MFN2: variants seen among roughly 807,000 people sequenced by gnomAD.
MFN2 encodes mitofusin-2.
In MFN2, 43 loss-of-function variants were observed where a neutral mutation model predicts 87.5. The observed-to-expected ratio is 0.49, with a 90% CI of 0.38 to 0.63. The LOEUF is 0.63. Among genes scored for constraint, MFN2 ranks in the 30% least tolerant of loss-of-function variants. The probability of loss-of-function intolerance (pLI) is 0.00; values close to 1 mark genes in which losing one functional copy is unlikely to be tolerated. For missense variants in MFN2, 743 were observed against 972.8 expected (o/e 0.76, Z 3.14); for synonymous variants, 337 against 359.9 (o/e 0.94, Z 0.72).
At chr1:11,996,647 CTG>C (rs1337914198) in intron 5 of MFN2, among the ~76,000 whole-genome samples, 2 of 152,156 alleles carry the variant, frequency 1.3e-5, no homozygotes, top group African/African-American at 2.4e-5. Flanking sequence ...CCTGCATTTG[CTG>C]TGTGTCTCTG....
chr1:12,008,537 G>A (rs960059270), intron 17 of MFN2, among the ~76,000 whole-genome samples: 8 of 151,912 alleles, frequency 5.3e-5, no homozygotes, highest in African/African-American at 1.7e-4. Flanking sequence ...GGGGGCGGCT[G>A]CCTGGCGGAG....
intron 8 of MFN2, among the ~76,000 whole-genome samples, chr1:12,000,068 G>T (rs1317109458): frequency 6.7e-6 from 1 of 149,916 alleles, no homozygotes; most frequent in Admixed American, 6.7e-5. Flanking sequence ...CTGTACTCCA[G>T]CCTGGGCAAG....
intron 1 of MFN2, among the ~76,000 whole-genome samples, chr1:11,980,730 C>CA (rs1175833438): frequency 6.6e-6 from 1 of 152,252 alleles, no homozygotes; most frequent in African/African-American, 2.4e-5. Context: ...CCTTTCCACC[C>CA]TTCACGGCCA....
Position 11,980,494 on chromosome 1 carries a change from C to T in MFN2, c.-150+10C>T, listed in dbSNP as rs886836710. 3 of 398,164 alleles carry T rather than the reference C, an allele frequency of 7.5e-6. No individual in the cohort carries two copies. The highest frequency in any genetic ancestry group is 1.3e-5 in the Non-Finnish European group (3 of 225,838). The allele number at this position is 398,164 out of a possible 1,614,324, so 24.7% of individuals were successfully genotyped here. ...GGCCGGGAAGGTGAAGGTGAGAGGG[C>T]GAGCAAGCCGGGGTGGCGGGGACTG... is the stretch of plus-strand genomic sequence containing the variant. On this transcript the variant is annotated intron_variant, in intron 1 of 18. Transcript: ENST00000235329.
intron 2 of MFN2, among the ~76,000 whole-genome samples, chr1:11,987,855 G>A (rs767402903): frequency 1.1e-4 from 16 of 152,162 alleles, no homozygotes; most frequent in Admixed American, 2.6e-4. Flanking sequence ...GGAGGCTGAG[G>A]TGGGAGGATT....
intron 4 of MFN2, among the ~76,000 whole-genome samples, chr1:11,994,988 A>T (rs888750170): frequency 2.6e-5 from 4 of 152,012 alleles, no homozygotes; most frequent in African/African-American, 9.7e-5. Flanking sequence ...TCACACCTGT[A>T]ATCTCAGCAC....
At position 12,004,247 on chromosome 1, in the gene MFN2, C is replaced by A; in HGVS notation, c.1287+129C>A. 7.7e-7 allele frequency: 1 copy of A among 1,302,104 alleles called. No homozygotes were observed. Among genetic ancestry groups the A allele is most frequent in the Non-Finnish European group, 1.1e-6 (1 of 921,722 alleles). 80.7% of individuals were successfully genotyped at this position (1,302,104 alleles called of 1,614,324 possible). A position where few individuals can be genotyped will look rare whatever the true frequency, so the allele number is the denominator to read the frequency against. On this transcript the variant is annotated intron_variant, in intron 12 of 18. Coordinates refer to ENST00000235329, the MANE Select transcript of MFN2 (RefSeq NM_014874.4). This position sits in a 1 kb window ranked among gnomAD's most constrained non-coding sequence, Gnocchi z 4.2. ...AAGTTGTGGCCCTGTTTCAAGAATACAGAGCTGCCGTTTGGGTTCCATTGT... is the reference window on the plus strand; with the variant it reads ...AAGTTGTGGCCCTGTTTCAAGAATAAAGAGCTGCCGTTTGGGTTCCATTGT...
intron 8 of MFN2, among the ~76,000 whole-genome samples, chr1:11,999,650 G>A (rs915718181): frequency 6.6e-6 from 1 of 151,260 alleles, no homozygotes; most frequent in Non-Finnish European, 1.5e-5. Flanking sequence ...GAGCCACCAC[G>A]CCTGGCCTCA....
In MFN2 at chr1:12,003,664, C is replaced by CA. The variant is rs60299433; in HGVS notation, c.1161-312dup. Among the ~76,000 whole-genome samples the CA allele has an allele frequency of 0.17, 21,241 of 127,100 alleles. 1,693 individuals are homozygous for CA. Among genetic ancestry groups the CA allele is most frequent in the African/African-American group, 0.25 (8,998 of 35,416 alleles). 83.4% of individuals were successfully genotyped at this position (127,100 alleles called of 152,430 possible). A position where few individuals can be genotyped will look rare whatever the true frequency, so the allele number is the denominator to read the frequency against. The stretch of plus-strand genomic sequence containing the variant: ...GGGCAACAAGAGTGAAACTCCATCT[C>CA]AAAAAAAAAAAAAAAATCATTTCTG... On this transcript the variant is annotated intron_variant, in intron 11 of 18. Transcript: ENST00000235329. This position sits in a 1 kb window ranked among gnomAD's most constrained non-coding sequence, Gnocchi z 4.1.
intron 2 of MFN2, among the ~76,000 whole-genome samples, chr1:11,983,177 A>G (rs977120742): frequency 2.0e-5 from 3 of 152,128 alleles, no homozygotes; most frequent in South Asian, 2.1e-4. Context: ...GGTTCACACT[A>G]TCCTCCTGCC....
chr1:11,990,608 G>A (rs1638635583), intron 3 of MFN2, among the ~76,000 whole-genome samples: 1 of 152,194 alleles, frequency 6.6e-6, no homozygotes, highest in Non-Finnish European at 1.5e-5. Context: ...GAAAATATGA[G>A]GCCTCCCCTG....
intron 3 of MFN2, 32 bp from the exon 4 acceptor site, chr1:11,992,523 C>G: frequency 6.2e-7 from 1 of 1,614,010 alleles, no homozygotes; most frequent in Non-Finnish European, 8.5e-7. Flanking sequence ...CCTCTGACCA[C>G]GTGGTGACCC....
At position 12,013,243 on chromosome 1, in the gene MFN2, C is replaced by T. The variant is rs936510042; in HGVS notation, c.*1678C>T. The stretch of plus-strand genomic sequence containing the variant: ...AACATGAATTTTTTTTCAATGTAGC[C>T]CCTGGGGAATGAATGAAATTTTGAG... On this transcript the variant is annotated 3_prime_UTR_variant, in exon 19 of 19. Transcript: ENST00000235329. The T allele has an allele frequency of 2.7e-6, 1 of 375,532 alleles. No homozygotes were observed. The highest frequency in any genetic ancestry group is 5.5e-6 in the Non-Finnish European group (1 of 180,516). The allele number at this position is 375,532 out of a possible 1,614,324, so 23.3% of individuals were successfully genotyped here. A position where few individuals can be genotyped will look rare whatever the true frequency, so the allele number is the denominator to read the frequency against.
chr1:11,996,685 T>G (rs1638921597), intron 5 of MFN2, among the ~76,000 whole-genome samples: 1 of 152,182 alleles, frequency 6.6e-6, no homozygotes, highest in Non-Finnish European at 1.5e-5. Flanking sequence ...ACCGACACTC[T>G]GAGTTTTCTG....
chr1:11,990,732 C>T (rs1216685981), intron 3 of MFN2, among the ~76,000 whole-genome samples: 1 of 152,178 alleles, frequency 6.6e-6, no homozygotes, highest in Non-Finnish European at 1.5e-5. Context: ...AGCTTGTTGG[C>T]CTGCTGGCTC....
intron 6 of MFN2, among the ~76,000 whole-genome samples, chr1:11,998,063 T>C (rs1435757022): frequency 2.6e-5 from 4 of 151,220 alleles, no homozygotes; most frequent in South Asian, 2.1e-4. Flanking sequence ...TTTGTATTTT[T>C]AGTAGAGACG....
chr1:11,994,179 TCCC>T (rs1011242631), intron 4 of MFN2, among the ~76,000 whole-genome samples: 2 of 152,226 alleles, frequency 1.3e-5, no homozygotes, highest in African/African-American at 4.8e-5. Flanking sequence ...TCCTTTTTAT[TCCC>T]CACCAGGACA....
At position 11,999,106 on chromosome 1, in the gene MFN2, C is replaced by G; in HGVS notation, c.816+11C>G. 6.2e-7 allele frequency: 1 copy of G among 1,613,300 alleles called. No homozygotes were observed. Among genetic ancestry groups the G allele is most frequent in the Non-Finnish European group, 8.5e-7 (1 of 1,179,200 alleles). On this transcript the variant is annotated intron_variant, in intron 8 of 18. Coordinates refer to ENST00000235329, the MANE Select transcript of MFN2 (RefSeq NM_014874.4). Reference sequence around the variant, plus strand: ...GAGTACATGGAGGAGGTTCGTGCTTCTGTTTGGCAGTTTGGGGAATGCAAC... The same window carrying G: ...GAGTACATGGAGGAGGTTCGTGCTTGTGTTTGGCAGTTTGGGGAATGCAAC...
chr1:12,011,452 C>G (rs887688361), intron 18 of MFN2, 44 bp from the exon 19 acceptor site: 1 of 1,605,798 alleles, frequency 6.2e-7, no homozygotes, highest in South Asian at 1.1e-5. Flanking sequence ...CTAATACTGC[C>G]TATCATCAGC....
Sources: gnomAD v4.1 joint callset for allele counts (sites outside exome capture counted in the v4.1 genomes callset) on GRCh38, gnomAD v4.1.1 for gene constraint, Gnocchi (gnomAD v3.1) non-coding constraint, MANE v1.5 for transcripts, NCBI Gene and HGNC (gene_info 2026-07-23, HGNC 2026-07-21) for gene names.